Variants in TENM2 observed in about 807,000 individuals in gnomAD.
TENM2 encodes the protein teneurin transmembrane protein 2, also known as teneurin-2.
Under a neutral mutation model 245.2 loss-of-function variants are expected in TENM2, and 52 were observed. That is an observed-to-expected ratio of 0.21 (90% confidence interval 0.17 to 0.27). TENM2 has a LOEUF of 0.27. TENM2 is among the 10% of genes least tolerant of loss of function. The pLI is 1.00. For missense variants in TENM2, 3,046 were observed against 3,666.8 expected (o/e 0.83, Z 4.37); for synonymous variants, 1,363 against 1,438.9 (o/e 0.95, Z 1.19).
At chr5:168,011,971 T>C (rs1785251571) in intron 5 of TENM2, among the ~76,000 whole-genome samples, 1 of 152,192 alleles carries the variant, frequency 6.6e-6, no homozygotes, top group South Asian at 2.1e-4. Context: ...AACTTATGCA[T>C]AGGCATGCAT....
chr5:167,288,159 G>C (rs1754401791), intron 1 of TENM2, among the ~76,000 whole-genome samples: 3 of 152,144 alleles, frequency 2.0e-5, no homozygotes, highest in African/African-American at 7.2e-5. Context: ...TTCTGCTTTT[G>C]CATGTGTATG....
chr5:167,740,021 G>A (rs909612416), intron 2 of TENM2, among the ~76,000 whole-genome samples: 1 of 152,164 alleles, frequency 6.6e-6, no homozygotes, highest in Non-Finnish European at 1.5e-5. Context: ...TAGCAGATGC[G>A]GGGGTTTCTG....
At chr5:168,204,327 C>G in intron 18 of TENM2, 45 bp from the exon 21 acceptor site, 1 of 1,590,368 alleles carries the variant, frequency 6.3e-7, no homozygotes, top group Non-Finnish European at 8.6e-7. Flanking sequence ...CACATGTCTT[C>G]CCCAGAGGGC....
At chr5:168,010,389 G>A (rs771008002) in intron 5 of TENM2, among the ~76,000 whole-genome samples, 1 of 152,078 alleles carries the variant, frequency 6.6e-6, no homozygotes, top group Non-Finnish European at 1.5e-5. Flanking sequence ...CTTAACCATG[G>A]GTAAAATTGT....
At chr5:167,925,398 A>G (rs1367441251) in intron 3 of TENM2, among the ~76,000 whole-genome samples, 1 of 152,178 alleles carries the variant, frequency 6.6e-6, no homozygotes, top group Non-Finnish European at 1.5e-5. Context: ...GCACGAGGGA[A>G]CTTTCTGGAG....
At chr5:167,032,372 T>C in the TENM2 span, among the ~76,000 whole-genome samples, 810 of 152,242 alleles carry the variant, frequency 5.3e-3, 7 homozygotes, top group African/African-American at 0.018. Context: ...GGTTTCTGTA[T>C]AGTCAAGGGT....
At chr5:167,051,461 C>G in the TENM2 span, among the ~76,000 whole-genome samples, 1 of 150,856 alleles carries the variant, frequency 6.6e-6, no homozygotes, top group African/African-American at 2.4e-5. Flanking sequence ...GTGTACATTT[C>G]CTTTACTAAG....
At chr5:167,266,130 G>A in the TENM2 span, among the ~76,000 whole-genome samples, 8 of 151,956 alleles carry the variant, frequency 5.3e-5, no homozygotes, top group African/African-American at 9.7e-5. Context: ...CTCTTCTTTC[G>A]GCGTCTCTTT....
At chr5:167,125,844 G>A in the TENM2 span, among the ~76,000 whole-genome samples, 30 of 152,212 alleles carry the variant, frequency 2.0e-4, no homozygotes, top group African/African-American at 6.7e-4. Flanking sequence ...GTCCACTTAT[G>A]GTAACTAAAA....
At chr5:167,916,975 G>A (rs1197254134) in intron 3 of TENM2, among the ~76,000 whole-genome samples, 2 of 152,190 alleles carry the variant, frequency 1.3e-5, no homozygotes, top group African/African-American at 4.8e-5. Context: ...GCAATGGGAG[G>A]TATGTAACCA....
At chr5:167,971,490 C>T (rs887272774) in intron 4 of TENM2, among the ~76,000 whole-genome samples, 4 of 152,098 alleles carry the variant, frequency 2.6e-5, no homozygotes, top group African/African-American at 9.7e-5. Flanking sequence ...CACTTGAGGT[C>T]AGGAGTTCAA....
At chr5:167,235,318 G>A in the TENM2 span, among the ~76,000 whole-genome samples, 1 of 152,148 alleles carries the variant, frequency 6.6e-6, no homozygotes, top group Non-Finnish European at 1.5e-5. Context: ...TTAGGGAGTA[G>A]GGGCTAGGAC....
rs551226488 is a variant in TENM2, at chr5:167,947,088, G to A, written c.713-5500G>A. Among the ~76,000 whole-genome samples, 5 of 152,180 alleles carry A rather than the reference G, an allele frequency of 3.3e-5. No individual in the cohort carries two copies. In the South Asian group the frequency reaches 1.0e-3, roughly 32 times the overall value. On this transcript the variant is annotated intron_variant, in intron 3 of 28. Coordinates refer to ENST00000518659, the Ensembl canonical transcript of TENM2. ...CCTGCTGGCCAAATTTGAAGGTGGA[G>A]GGGTCAGAGATTGATGATTTTGCAG...
At chr5:167,950,712 T>C (rs1780021917) in intron 3 of TENM2, among the ~76,000 whole-genome samples, 1 of 152,184 alleles carries the variant, frequency 6.6e-6, no homozygotes, top group South Asian at 2.1e-4. Flanking sequence ...TTCACCCCCC[T>C]TTCCCACCTC....
chr5:167,158,664 G>C, the TENM2 span, among the ~76,000 whole-genome samples: 1 of 152,088 alleles, frequency 6.6e-6, no homozygotes, highest in Non-Finnish European at 1.5e-5. Flanking sequence ...GACAGAGAGG[G>C]AGAGCACATG....
chr5:168,137,991 C>A (rs190363920), intron 12 of TENM2, among the ~76,000 whole-genome samples: 382 of 152,202 alleles, frequency 2.5e-3, no homozygotes, highest in Non-Finnish European at 3.8e-3. Flanking sequence ...GCATAATACA[C>A]AACAAAACCC....
At chr5:167,540,609 T>C (rs541784450) in intron 2 of TENM2, among the ~76,000 whole-genome samples, 54 of 152,238 alleles carry the variant, frequency 3.5e-4, no homozygotes, top group Admixed American at 1.3e-3. Flanking sequence ...GTCTAAAATA[T>C]TTATTCTCTG....
At chr5:167,152,898 A>G in the TENM2 span, among the ~76,000 whole-genome samples, 5 of 152,146 alleles carry the variant, frequency 3.3e-5, no homozygotes, top group African/African-American at 1.2e-4. Context: ...TTGGACCACA[A>G]TTGACCATGG....
At chr5:167,676,204 AT>A (rs1383466138) in intron 2 of TENM2, among the ~76,000 whole-genome samples, 1 of 151,998 alleles carries the variant, frequency 6.6e-6, no homozygotes. Context: ...TTATTAGTAT[AT>A]TTTTCTACCT....
Sources: gnomAD v4.1 joint callset for allele counts (sites outside exome capture counted in the v4.1 genomes callset) on GRCh38, gnomAD v4.1.1 for gene constraint, MANE v1.5 for transcripts, NCBI Gene and HGNC (gene_info 2026-07-23, HGNC 2026-07-21) for gene names.